The following FRMD3 variants were observed in gnomAD, a reference collection of about 807,000 sequenced individuals.
The protein encoded by FRMD3 is FERM domain-containing protein 3.
A neutral mutation model predicts 70.2 loss-of-function variants in FRMD3; 33 were observed. The observed-to-expected ratio is 0.47, with a 90% CI of 0.36 to 0.63. The LOEUF is 0.63. FRMD3 is among the 20% of genes least tolerant of loss of function. The pLI, the probability that FRMD3 is intolerant of heterozygous loss-of-function variation, is 0.00. For synonymous variants in FRMD3, 279 were observed against 255.9 expected, an observed-to-expected ratio of 1.09 and a Z score of -0.86; for missense variants, 632 against 711.4, an observed-to-expected ratio of 0.89 and a Z score of 1.27.
At chr9:83,447,271 C>G (rs1006199657) in intron 1 of FRMD3, among the ~76,000 whole-genome samples, 6 of 152,206 alleles carry the variant, frequency 3.9e-5, no homozygotes, top group Admixed American at 2.0e-4. Flanking sequence ...GATCTGCCCA[C>G]CTCGGCCTCC....
chr9:83,543,889 TG>T, the FRMD3 span, among the ~76,000 whole-genome samples: 655 of 152,234 alleles, frequency 4.3e-3, 6 homozygotes, highest in African/African-American at 0.015. Context: ...TGCTTGGGCC[TG>T]GTAATGGAGA....
chr9:83,358,206 T>C (rs1587768485), intron 3 of FRMD3, among the ~76,000 whole-genome samples: 1 of 152,210 alleles, frequency 6.6e-6, no homozygotes, highest in South Asian at 2.1e-4. Context: ...TTCCCCACTT[T>C]ACGTTTTTGT....
chr9:83,415,591 C>T (rs1382797313), intron 1 of FRMD3, among the ~76,000 whole-genome samples: 4 of 150,386 alleles, frequency 2.7e-5, no homozygotes, highest in African/African-American at 9.8e-5. Context: ...TACAGGTGCC[C>T]ACCACCACGA....
chr9:83,435,052 C>T (rs919715953), intron 1 of FRMD3, among the ~76,000 whole-genome samples: 2 of 152,050 alleles, frequency 1.3e-5, no homozygotes, highest in African/African-American at 4.8e-5. Context: ...TGGTCTCGAA[C>T]TCCTGAGCTC....
At chr9:83,495,322 A>T (rs1233543658) in intron 1 of FRMD3, among the ~76,000 whole-genome samples, 1 of 152,210 alleles carries the variant, frequency 6.6e-6, no homozygotes, top group Non-Finnish European at 1.5e-5. Context: ...GTAAGATGAG[A>T]TCCAAGAACT....
intron 1 of FRMD3, among the ~76,000 whole-genome samples, chr9:83,500,539 C>CAA (rs1564106259): frequency 7.4e-6 from 1 of 135,044 alleles, no homozygotes; most frequent in Non-Finnish European, 1.7e-5. Flanking sequence ...CACACACACA[C>CAA]AATGTCAATA....
chr9:83,466,927 C>T (rs1047847644), intron 1 of FRMD3, among the ~76,000 whole-genome samples: 2 of 151,990 alleles, frequency 1.3e-5, no homozygotes, highest in African/African-American at 4.8e-5. Context: ...CTGGTTCTGC[C>T]GAAATAAACA....
At chr9:83,448,425 G>A (rs994099169) in intron 1 of FRMD3, among the ~76,000 whole-genome samples, 8 of 152,130 alleles carry the variant, frequency 5.3e-5, no homozygotes, top group Middle Eastern at 3.2e-3. Flanking sequence ...ATATAGTTCC[G>A]TGGCAGCAGA....
At chr9:83,529,536 G>C (rs923958558) in intron 1 of FRMD3, among the ~76,000 whole-genome samples, 1 of 152,126 alleles carries the variant, frequency 6.6e-6, no homozygotes, top group Non-Finnish European at 1.5e-5. Context: ...AAATGTAAGA[G>C]CTAAAACTAT....
intron 1 of FRMD3, among the ~76,000 whole-genome samples, chr9:83,499,277 A>T (rs901809436): frequency 2.6e-5 from 4 of 152,180 alleles, no homozygotes; most frequent in African/African-American, 9.7e-5. Flanking sequence ...AAGAAGATGA[A>T]AATTCCAACA....
At chr9:83,556,940 A>G in the FRMD3 span, among the ~76,000 whole-genome samples, 1 of 152,050 alleles carries the variant, frequency 6.6e-6, no homozygotes, top group Admixed American at 6.5e-5. Flanking sequence ...TTATTTTAAA[A>G]CATTCTTAAG....
At chr9:83,437,899 C>T (rs1019924264) in intron 1 of FRMD3, among the ~76,000 whole-genome samples, 6 of 152,062 alleles carry the variant, frequency 3.9e-5, no homozygotes, top group East Asian at 1.9e-4. Context: ...GCTAAGTGAG[C>T]GAAGCAGGGG....
chr9:83,353,084 T>A (rs1196141650), intron 3 of FRMD3, among the ~76,000 whole-genome samples: 1 of 152,076 alleles, frequency 6.6e-6, no homozygotes, highest in East Asian at 1.9e-4. Flanking sequence ...TTTTCTACCA[T>A]CATATATGCC....
intron 1 of FRMD3, among the ~76,000 whole-genome samples, chr9:83,397,930 A>G (rs973518832): frequency 2.0e-5 from 3 of 152,234 alleles, no homozygotes; most frequent in Admixed American, 2.0e-4. Context: ...CTAGGGACAG[A>G]TGGATACATT....
intron 1 of FRMD3, among the ~76,000 whole-genome samples, chr9:83,445,372 A>AGATG (rs1827428819): frequency 6.6e-6 from 1 of 151,588 alleles, no homozygotes; most frequent in Non-Finnish European, 1.5e-5. Flanking sequence ...ATAGATAGAT[A>AGATG]GATAGATAGA....
At chr9:83,562,919 A>G in the FRMD3 span, among the ~76,000 whole-genome samples, 9 of 151,128 alleles carry the variant, frequency 6.0e-5, no homozygotes. Flanking sequence ...AGTTTCACCA[A>G]TAAATGGTGT....
intron 13 of FRMD3, among the ~76,000 whole-genome samples, chr9:83,273,688 C>T (rs1833697315): frequency 6.6e-6 from 1 of 151,174 alleles, no homozygotes; most frequent in South Asian, 2.1e-4. Context: ...GTTCCTCACC[C>T]CCTCCAAGAA....
chr9:83,317,285 C>A (rs1310928375), intron 6 of FRMD3, among the ~76,000 whole-genome samples: 4 of 151,726 alleles, frequency 2.6e-5, no homozygotes, highest in African/African-American at 9.7e-5. Context: ...AAATACCCAG[C>A]ATGTCACTAA....
At chr9:83,489,015 T>TGTGTGTGTGTGTGTGTGTGTGTGC (rs539396863) in intron 1 of FRMD3, among the ~76,000 whole-genome samples, 1 of 131,634 alleles carries the variant, frequency 7.6e-6, no homozygotes, top group Non-Finnish European at 1.6e-5. Context: ...TGTGTGTGTG[T>TGTGTGTGTGTGTGTGTGTGTGTGC]GCTTGTGTGT....
Sources: gnomAD v4.1 joint callset for allele counts (sites outside exome capture counted in the v4.1 genomes callset) on GRCh38, gnomAD v4.1.1 for gene constraint, MANE v1.5 for transcripts, NCBI Gene and HGNC (gene_info 2026-07-23, HGNC 2026-07-21) for gene names.